Variants in UNC5D observed in about 807,000 individuals in gnomAD.
The protein encoded by UNC5D is netrin receptor UNC5D.
In UNC5D, 39 loss-of-function variants were observed where a neutral mutation model predicts 105.4. The observed-to-expected ratio is 0.37, with a 90% confidence interval of 0.29 to 0.48. UNC5D has a LOEUF of 0.48. UNC5D is among the 20% of genes least tolerant of loss of function. The probability of loss-of-function intolerance (pLI) is 0.98; values close to 1 mark genes in which losing one functional copy is unlikely to be tolerated. For synonymous variants in UNC5D, 452 were observed against 450.4 expected (o/e 1.00, Z -0.04); for missense variants, 991 against 1,202.4 (o/e 0.82, Z 2.60).
intron 4 of UNC5D, among the ~76,000 whole-genome samples, chr8:35,672,504 A>C (rs550790414): frequency 6.6e-5 from 10 of 152,332 alleles, no homozygotes; most frequent in Non-Finnish European, 1.2e-4. Flanking sequence ...ATGCTTCACC[A>C]GAGATTCAAA....
chr8:35,308,775 CT>C (rs1808636692), intron 1 of UNC5D, among the ~76,000 whole-genome samples: 1 of 152,018 alleles, frequency 6.6e-6, no homozygotes, highest in Non-Finnish European at 1.5e-5. Flanking sequence ...ACCTGTAAGC[CT>C]TTTTGTTTCA....
chr8:35,335,024 C>A (rs930771959), intron 1 of UNC5D, among the ~76,000 whole-genome samples: 32 of 152,222 alleles, frequency 2.1e-4, no homozygotes, highest in African/African-American at 7.7e-4. Flanking sequence ...TCTAGAAATT[C>A]ATGTAAATAG....
intron 2 of UNC5D, among the ~76,000 whole-genome samples, chr8:35,558,159 A>G (rs1816693711): frequency 6.7e-6 from 1 of 149,806 alleles, no homozygotes; most frequent in African/African-American, 2.5e-5. Flanking sequence ...CTCCCCTTCC[A>G]ACCCAGAAGC....
chr8:35,537,031 G>A (rs777651915), intron 1 of UNC5D, among the ~76,000 whole-genome samples: 1 of 151,846 alleles, frequency 6.6e-6, no homozygotes, highest in African/African-American at 2.4e-5. Context: ...AACAAAAAAG[G>A]TGTTATTGGT....
At chr8:35,437,797 G>A (rs535096430) in intron 1 of UNC5D, among the ~76,000 whole-genome samples, 8 of 151,800 alleles carry the variant, frequency 5.3e-5, no homozygotes, top group Non-Finnish European at 7.4e-5. Context: ...CCTTTTCTGC[G>A]AGAAATGGTT....
At chr8:35,324,472 G>C (rs879893426) in intron 1 of UNC5D, among the ~76,000 whole-genome samples, 3 of 151,900 alleles carry the variant, frequency 2.0e-5, no homozygotes, top group African/African-American at 4.8e-5. Context: ...AGGTATTGTA[G>C]GTATTAAAAG....
In UNC5D at chr8:35,357,635, A is replaced by T. The variant is rs139374851; in HGVS notation, c.103+121748A>T. Among the ~76,000 whole-genome samples the T allele has an allele frequency of 8.5e-5, 13 of 152,284 alleles. No individual in the cohort carries two copies. In the East Asian group the frequency reaches 2.3e-3, roughly 27 times the overall value. The stretch of plus-strand genomic sequence containing the variant: ...TAGTCTGTATCTCCTGTTAGATTAC[A>T]AGTTTGAGGGAGTAGAAACTTGAGT... On this transcript the variant is annotated intron_variant, in intron 1 of 16. Transcript: ENST00000404895.
chr8:35,704,633 T>C (rs190959043), intron 7 of UNC5D, among the ~76,000 whole-genome samples: 26 of 152,248 alleles, frequency 1.7e-4, no homozygotes, highest in Admixed American at 1.4e-3. Flanking sequence ...ATGACTCATC[T>C]AAACCCTAAG....
chr8:35,449,684 G>A (rs983079798), intron 1 of UNC5D, among the ~76,000 whole-genome samples: 1 of 152,018 alleles, frequency 6.6e-6, no homozygotes, highest in African/African-American at 2.4e-5. Flanking sequence ...CCCGTTTTAT[G>A]TCTTCCACCA....
chr8:35,251,908 G>A (rs2128812433), intron 1 of UNC5D, among the ~76,000 whole-genome samples: 1 of 152,212 alleles, frequency 6.6e-6, no homozygotes, highest in South Asian at 2.1e-4. Context: ...AAAGAGGTGG[G>A]CAGGAACCCC....
chr8:35,450,414 T>TAAAAAGTAATATTGATA, intron 1 of UNC5D, among the ~76,000 whole-genome samples: 1 of 152,292 alleles, frequency 6.6e-6, no homozygotes, highest in East Asian at 1.9e-4. Context: ...TTACTTTTTA[T>TAAAAAGTAATATTGATA]CTATTCATAA....
In UNC5D at chr8:35,539,334, A is replaced by G. The variant is rs551487651; in HGVS notation, c.104-9958A>G. Among the ~76,000 whole-genome samples the G allele has an allele frequency of 3.9e-5, 6 of 152,284 alleles. No homozygotes were observed. The South Asian group carries it at 1.2e-3, about 32-fold the overall frequency. On this transcript the variant is annotated intron_variant, in intron 1 of 16. Transcript: ENST00000404895. ...TAATTTTCCATATAAAATATATCAT[A>G]AAATGTTAACTATATTTTCCCTTTT... is the stretch of plus-strand genomic sequence containing the variant.
chr8:35,684,481 G>A, intron 5 of UNC5D, 101 bp from the exon 6 acceptor site: 1 of 1,426,120 alleles, frequency 7.0e-7, no homozygotes, highest in Non-Finnish European at 9.5e-7. Flanking sequence ...TCGGTCCCTG[G>A]ATGCCTGACT....
At chr8:35,739,991 T>C (rs1017360515) in intron 11 of UNC5D, among the ~76,000 whole-genome samples, 4 of 152,200 alleles carry the variant, frequency 2.6e-5, no homozygotes, top group African/African-American at 9.7e-5. Flanking sequence ...TATACAAATA[T>C]GGAGCTTCGC....
intron 1 of UNC5D, among the ~76,000 whole-genome samples, chr8:35,465,207 G>A (rs532607459): frequency 2.8e-4 from 42 of 152,254 alleles, no homozygotes; most frequent in African/African-American, 6.0e-4. Flanking sequence ...CATGGGCAAC[G>A]TGGCAAAACA....
At chr8:35,667,310 CTG>C (rs1289936446) in intron 4 of UNC5D, among the ~76,000 whole-genome samples, 2 of 152,130 alleles carry the variant, frequency 1.3e-5, no homozygotes, top group Non-Finnish European at 2.9e-5. Flanking sequence ...CAGCTGGGTG[CTG>C]TGTGTTAGAT....
chr8:35,780,079 A>G (rs1185495017), intron 16 of UNC5D, among the ~76,000 whole-genome samples: 1 of 152,208 alleles, frequency 6.6e-6, no homozygotes, highest in African/African-American at 2.4e-5. Flanking sequence ...ACAATGGAAG[A>G]AAGGATTCCA....
rs200002730 is a variant in UNC5D, at chr8:35,726,408, A to C, written c.1560A>C (p.Thr520=). ...FPHGNNHSFS[T]MHPRNKMPYI... is the part of the protein sequence containing the mutation. The stretch of plus-strand genomic sequence containing the variant: ...ATGGAAACAACCACAGCTTTAGTAC[A>C]ATGCATCCCAGAAATAAAATGCCCT... The change falls in exon 10 of 17, where the codon ACA becomes ACC. Residue 520 remains threonine (T), a synonymous_variant. Coordinates refer to ENST00000404895, the MANE Select transcript of UNC5D (RefSeq NM_080872.4). The C allele has an allele frequency of 1.9e-6, 3 of 1,614,138 alleles. No individual in the cohort carries two copies. Among genetic ancestry groups the C allele is most frequent in the Non-Finnish European group, 2.5e-6 (3 of 1,180,026 alleles).
intron 1 of UNC5D, among the ~76,000 whole-genome samples, chr8:35,268,790 T>C (rs1805070611): frequency 6.6e-6 from 1 of 152,164 alleles, no homozygotes; most frequent in Non-Finnish European, 1.5e-5. Flanking sequence ...TATCTCTGCC[T>C]TAAGGATGAG....
Sources: gnomAD v4.1 joint callset for allele counts (sites outside exome capture counted in the v4.1 genomes callset) on GRCh38, gnomAD v4.1.1 for gene constraint, MANE v1.5 for transcripts, NCBI Gene and HGNC (gene_info 2026-07-23, HGNC 2026-07-21) for gene names.